SWT1: variants seen among roughly 807,000 people sequenced by gnomAD.
The protein encoded by SWT1 is transcriptional protein SWT1.
Under a neutral mutation model 107.3 loss-of-function variants are expected in SWT1, and 33 were observed. The observed-to-expected ratio is 0.31, with a 90% CI of 0.23 to 0.41. The LOEUF (loss-of-function observed/expected upper bound fraction) is 0.41, where lower values mean the gene tolerates loss of function less well. Ranked by LOEUF, SWT1 falls within the 10% of genes least tolerant of loss-of-function variation. SWT1 has a pLI of 1.00. For missense variants in SWT1, 898 were observed against 1,028.9 expected (o/e 0.87, Z 1.74); for synonymous variants, 345 against 348.3 (o/e 0.99, Z 0.11).
At chr1:185,166,773 T>G (rs1654610411) in intron 3 of SWT1, 121 bp downstream of exon 3, 1 of 643,404 alleles carries the variant, frequency 1.6e-6, no homozygotes, top group African/African-American at 1.8e-5. Context: ...GTTGTTTTCT[T>G]TCTTCTACTC....
At chr1:185,171,897 T>G (rs1352194070) in intron 4 of SWT1, among the ~76,000 whole-genome samples, 1 of 152,154 alleles carries the variant, frequency 6.6e-6, no homozygotes, top group East Asian at 1.9e-4. Context: ...GGTGATAGAT[T>G]GAGACTCTGT....
At chr1:185,208,438 G>C (rs1658505695) in intron 13 of SWT1, among the ~76,000 whole-genome samples, 1 of 152,130 alleles carries the variant, frequency 6.6e-6, no homozygotes, top group South Asian at 2.1e-4. Context: ...CTGGTGTTCT[G>C]CTGCATTGTA....
intron 16 of SWT1, among the ~76,000 whole-genome samples, chr1:185,255,881 G>T (rs1034812874): frequency 0.013 from 1,956 of 151,410 alleles, 46 homozygotes; most frequent in African/African-American, 0.045. Flanking sequence ...AGTCTTGATG[G>T]TCTTTACATT....
At chr1:185,282,759 A>G (rs1396100212) in intron 18 of SWT1, among the ~76,000 whole-genome samples, 1 of 152,074 alleles carries the variant, frequency 6.6e-6, no homozygotes. Flanking sequence ...GAATTGAATT[A>G]TAGTACACCG....
intron 6 of SWT1, 146 bp from the exon 7 acceptor site, chr1:185,181,800 T>G: frequency 6.6e-6 from 5 of 759,966 alleles, no homozygotes; most frequent in Non-Finnish European, 1.0e-5. Flanking sequence ...AAATCTTTGT[T>G]CTTTTACTAT....
At chr1:185,290,263 G>A (rs1286329602) in intron 18 of SWT1, among the ~76,000 whole-genome samples, 1 of 151,992 alleles carries the variant, frequency 6.6e-6, no homozygotes, top group Non-Finnish European at 1.5e-5. Context: ...GACAACAGGA[G>A]TGAGACCCTG....
chr1:185,283,677 AAC>A (rs773144602), intron 18 of SWT1, among the ~76,000 whole-genome samples: 10 of 152,172 alleles, frequency 6.6e-5, no homozygotes, highest in Non-Finnish European at 1.3e-4. Context: ...AACTCATCAC[AAC>A]ACACTTCTGA....
intron 1 of SWT1, among the ~76,000 whole-genome samples, chr1:185,159,799 A>C (rs1653986179): frequency 6.6e-6 from 1 of 152,058 alleles, no homozygotes; most frequent in African/African-American, 2.4e-5. Flanking sequence ...AATCTTACTC[A>C]CTACAACCTC....
chr1:185,175,223 T>C (rs1396859884), intron 5 of SWT1, 110 bp downstream of exon 5: 8 of 1,022,772 alleles, frequency 7.8e-6, no homozygotes, highest in Non-Finnish European at 1.1e-5. Context: ...TTTTTGTTGT[T>C]GTTTGTTTTT....
rs1020103687 is a variant in SWT1, at chr1:185,255,030, G to A, written c.2442-16293G>A. On this transcript the variant is annotated intron_variant, in intron 16 of 18. Coordinates refer to ENST00000367500, the MANE Select transcript of SWT1 (RefSeq NM_017673.7). ...ACATCTTTATTTCTGCCTTCATTTC[G>A]TTATGTACCCAGTAGTCATTCAGGA... 1.3e-3 allele frequency among the ~76,000 whole-genome samples: 190 copies of A among 151,788 alleles called. 1 individual carries two copies. The highest frequency in any genetic ancestry group is 4.4e-3 in the African/African-American group (183 of 41,348).
chr1:185,289,560 A>G (rs535709483), intron 18 of SWT1, among the ~76,000 whole-genome samples: 15 of 152,342 alleles, frequency 9.8e-5, no homozygotes, highest in East Asian at 3.9e-4. Flanking sequence ...CTGCACTCCA[A>G]TGTTCATTGC....
At chr1:185,245,097 A>T (rs1489769498) in intron 16 of SWT1, among the ~76,000 whole-genome samples, 1 of 152,114 alleles carries the variant, frequency 6.6e-6, no homozygotes, top group Admixed American at 6.5e-5. Context: ...ACGATTTTTT[A>T]TATTTAAAAA....
At chr1:185,235,796 A>G (rs1175979149) in intron 16 of SWT1, among the ~76,000 whole-genome samples, 1 of 152,020 alleles carries the variant, frequency 6.6e-6, no homozygotes, top group East Asian at 1.9e-4. Context: ...TTGTATATTT[A>G]GAAAACCCCA....
chr1:185,167,175 A>G (rs908594678), intron 3 of SWT1, among the ~76,000 whole-genome samples: 1 of 152,086 alleles, frequency 6.6e-6, no homozygotes, highest in South Asian at 2.1e-4. Flanking sequence ...CCCAGAGGTT[A>G]TATTTGTCTC....
At chr1:185,283,994 T>C (rs961510351) in intron 18 of SWT1, among the ~76,000 whole-genome samples, 4 of 152,256 alleles carry the variant, frequency 2.6e-5, no homozygotes, top group African/African-American at 4.8e-5. Flanking sequence ...GGGGGTCATA[T>C]ACCTAGGAGT....
chr1:185,258,721 T>C (rs767905368), intron 16 of SWT1, among the ~76,000 whole-genome samples: 19 of 152,132 alleles, frequency 1.2e-4, no homozygotes, highest in Non-Finnish European at 2.2e-4. Context: ...TTTTTTCTCC[T>C]GAATGCTTTC....
chr1:185,188,045 C>T (rs1656646605), intron 9 of SWT1, among the ~76,000 whole-genome samples: 1 of 152,140 alleles, frequency 6.6e-6, no homozygotes, highest in Admixed American at 6.5e-5. Context: ...TCACTATTGC[C>T]ATACACTGGG....
At chr1:185,247,864 GT>G (rs1198643091) in intron 16 of SWT1, among the ~76,000 whole-genome samples, 2 of 150,612 alleles carry the variant, frequency 1.3e-5, no homozygotes, top group African/African-American at 2.4e-5. Context: ...TTCTAGAAGT[GT>G]TTTTTTTTCC....
intron 15 of SWT1, among the ~76,000 whole-genome samples, chr1:185,228,200 T>TATATATATATATATATAC (rs1235462995): frequency 2.1e-5 from 3 of 144,958 alleles, no homozygotes; most frequent in East Asian, 4.1e-4. Flanking sequence ...CATATATATA[T>TATATATATATATATATAC]ACTCAGTATG....
Sources: gnomAD v4.1 joint callset for allele counts (sites outside exome capture counted in the v4.1 genomes callset) on GRCh38, gnomAD v4.1.1 for gene constraint, MANE v1.5 for transcripts, NCBI Gene and HGNC (gene_info 2026-07-23, HGNC 2026-07-21) for gene names.